Variants in GARRE1 observed in about 807,000 individuals in gnomAD.
The protein encoded by GARRE1 is granule associated Rac and RHOG effector protein 1.
Under a neutral mutation model 103.2 loss-of-function variants are expected in GARRE1, and 49 were observed. That is an observed-to-expected ratio of 0.47 (90% CI 0.38 to 0.60). The LOEUF is 0.60. Among genes scored for constraint, GARRE1 ranks in the 20% least tolerant of loss-of-function variants. The pLI is 0.00. For missense variants in GARRE1, 1,199 were observed against 1,370.5 expected, an observed-to-expected ratio of 0.87 and a Z score of 1.98; for synonymous variants, 505 against 532.8, an observed-to-expected ratio of 0.95 and a Z score of 0.72.
intron 1 of GARRE1, among the ~76,000 whole-genome samples, chr19:34,295,361 T>A (rs544244176): frequency 1.3e-5 from 2 of 152,338 alleles, no homozygotes; most frequent in African/African-American, 4.8e-5. Flanking sequence ...ATTTCCAGAG[T>A]TCTGAAAAAG....
intron 2 of GARRE1, among the ~76,000 whole-genome samples, chr19:34,306,034 T>A (rs1012067510): frequency 1.1e-4 from 17 of 152,194 alleles, no homozygotes; most frequent in Admixed American, 7.2e-4. Flanking sequence ...AGAGCAATAT[T>A]TGTTGTTTCT....
chr19:34,275,275 A>G (rs1325416299), intron 1 of GARRE1, among the ~76,000 whole-genome samples: 2 of 151,796 alleles, frequency 1.3e-5, no homozygotes, highest in Non-Finnish European at 2.9e-5. Flanking sequence ...CAGTTTATCC[A>G]TTTAAAGTAT....
chr19:34,299,228 T>C (rs949044372), intron 1 of GARRE1, among the ~76,000 whole-genome samples: 3 of 152,218 alleles, frequency 2.0e-5, no homozygotes, highest in African/African-American at 7.2e-5. Flanking sequence ...GAATATTTTT[T>C]TCGTAACAAC....
chr19:34,258,742 A>G (rs899274415), intron 1 of GARRE1, among the ~76,000 whole-genome samples: 3 of 151,924 alleles, frequency 2.0e-5, no homozygotes, highest in African/African-American at 4.8e-5. Context: ...GTGAGCTGAG[A>G]TCGTGCCACT....
chr19:34,273,657 A>G (rs2073800736), intron 1 of GARRE1, among the ~76,000 whole-genome samples: 1 of 152,152 alleles, frequency 6.6e-6, no homozygotes, highest in South Asian at 2.1e-4. Flanking sequence ...CTAGCATGTT[A>G]TGCTTCAGTA....
intron 10 of GARRE1, among the ~76,000 whole-genome samples, 174 bp from the exon 11 acceptor site, chr19:34,347,703 A>G (rs776415646): frequency 5.3e-5 from 8 of 152,150 alleles, no homozygotes; most frequent in Non-Finnish European, 1.2e-4. Context: ...GGCAAGTCCC[A>G]TCTCCCCACA....
chr19:34,294,331 G>A (rs1179091790), intron 1 of GARRE1, among the ~76,000 whole-genome samples: 1 of 151,788 alleles, frequency 6.6e-6, no homozygotes, highest in Non-Finnish European at 1.5e-5. Flanking sequence ...GGCTGAGGTG[G>A]AGGATTGCTT....
intron 2 of GARRE1, among the ~76,000 whole-genome samples, chr19:34,319,556 G>A (rs1299569527): frequency 6.6e-6 from 1 of 152,166 alleles, no homozygotes; most frequent in Non-Finnish European, 1.5e-5. Context: ...CGTAATTGCT[G>A]TTGTGGATGG....
intron 2 of GARRE1, among the ~76,000 whole-genome samples, chr19:34,315,382 A>C (rs1292789387): frequency 6.6e-6 from 1 of 152,194 alleles, no homozygotes; most frequent in Non-Finnish European, 1.5e-5. Context: ...CAGAGTTGAC[A>C]TGTAGGTTGA....
intron 1 of GARRE1, among the ~76,000 whole-genome samples, chr19:34,268,158 TTTG>T: frequency 6.6e-6 from 1 of 152,248 alleles, no homozygotes; most frequent in Non-Finnish European, 1.5e-5. Context: ...AGCAACACAA[TTTG>T]TTGTCACAAA....
rs1165634718 is a variant in GARRE1, at chr19:34,327,835, T to A, written c.911T>A (p.Leu304Gln). 1 of 1,614,096 alleles carries A rather than the reference T, an allele frequency of 6.2e-7. No homozygotes were observed. The highest frequency in any genetic ancestry group is 8.5e-7 in the Non-Finnish European group (1 of 1,180,028). Residue 304 changes from leucine to glutamine, a missense_variant, in exon 5 of 14, where the codon CTG (leucine) becomes CAG (glutamine). Coordinates refer to ENST00000299505, the MANE Select transcript of GARRE1 (RefSeq NM_014686.5). ...CEYAMKAGFHLNPKAIEASLQ... is the reference protein window; with the variant it reads ...CEYAMKAGFHQNPKAIEASLQ... ...TATGCAATGAAAGCCGGCTTCCACC[T>A]GAATCCAAAGGCGATTGAAGCAAGT...
intron 6 of GARRE1, among the ~76,000 whole-genome samples, chr19:34,329,669 G>A (rs1256215067): frequency 6.6e-6 from 1 of 151,876 alleles, no homozygotes; most frequent in Non-Finnish European, 1.5e-5. Context: ...AACTGCATCT[G>A]TACTAAAAAT....
intron 12 of GARRE1, 108 bp from the exon 13 acceptor site, chr19:34,351,406 C>T (rs1318583379): frequency 5.7e-6 from 5 of 876,200 alleles, no homozygotes; most frequent in East Asian, 2.5e-5. Flanking sequence ...CTCCTCCCCT[C>T]CTAGAACCAG....
chr19:34,275,229 G>A (rs1314373430), intron 1 of GARRE1, among the ~76,000 whole-genome samples: 1 of 142,974 alleles, frequency 7.0e-6, no homozygotes, highest in East Asian at 2.0e-4. Context: ...TATATTTTTT[G>A]TAACAGCTTT....
intron 7 of GARRE1, among the ~76,000 whole-genome samples, chr19:34,331,908 T>C (rs57447217): frequency 0.13 from 18,958 of 151,638 alleles, 1,459 homozygotes; most frequent in African/African-American, 0.21. Flanking sequence ...CAAGAATCAC[T>C]TGAACCCAGG....
intron 8 of GARRE1, among the ~76,000 whole-genome samples, chr19:34,334,400 G>T (rs971722112): frequency 1.3e-5 from 2 of 152,140 alleles, no homozygotes; most frequent in Non-Finnish European, 1.5e-5. Context: ...TCAACAAATA[G>T]ATTAAGAAAA....
intron 1 of GARRE1, among the ~76,000 whole-genome samples, chr19:34,279,449 C>T (rs1486220975): frequency 1.3e-5 from 2 of 151,908 alleles, no homozygotes; most frequent in East Asian, 3.9e-4. Context: ...GGGACCACGC[C>T]TGGCTATTTT....
intron 1 of GARRE1, among the ~76,000 whole-genome samples, chr19:34,264,087 G>T (rs547680495): frequency 6.6e-6 from 1 of 152,160 alleles, no homozygotes; most frequent in African/African-American, 2.4e-5. Flanking sequence ...ATGCATGACC[G>T]TAAGTGTAAA....
Position 34,333,703 on chromosome 19 carries a change from G to A in GARRE1, c.1264-1G>A. 1.2e-6 allele frequency: 1 copy of A among 804,522 alleles called. No individual in the cohort carries two copies. The highest frequency in any genetic ancestry group is 2.0e-6 in the Non-Finnish European group (1 of 495,108). 49.8% of individuals were successfully genotyped at this position (804,522 alleles called of 1,614,324 possible). A position where few individuals can be genotyped will look rare whatever the true frequency, so the allele number is the denominator to read the frequency against. ...TTTTTTTTTTTTTTTTTCGATCTTA[G>A]GTGGTGGTTGACACAGCACAGATTG... On this transcript the variant is annotated splice_acceptor_variant, in intron 7 of 13. Transcript: ENST00000299505. LOFTEE classifies it high-confidence loss of function.
Sources: allele counts gnomAD v4.1 joint callset (sites outside exome capture counted in the v4.1 genomes callset), GRCh38; gene constraint gnomAD v4.1.1; transcripts MANE v1.5; gene names NCBI Gene and HGNC (gene_info 2026-07-23, HGNC 2026-07-21).